IGFN1: variants seen among roughly 807,000 people sequenced by gnomAD.
IGFN1 encodes the protein immunoglobulin-like and fibronectin type III domain-containing protein 1.
A neutral mutation model predicts 289.5 loss-of-function variants in IGFN1; 253 were observed. The ratio of observed to expected loss-of-function variants is 0.87; its 90% confidence interval spans 0.79 to 0.97. The LOEUF (loss-of-function observed/expected upper bound fraction) is 0.97, where lower values mean the gene tolerates loss of function less well. Ranked by LOEUF, IGFN1 falls within the 50% of genes least tolerant of loss-of-function variation. The pLI is 0.00. For missense variants in IGFN1, 4,470 were observed against 4,686.1 expected (o/e 0.95, Z 1.35); for synonymous variants, 1,706 against 1,788.5 (o/e 0.95, Z 1.16).
chr1:201,191,050 G>C (rs1048117105), intron 1 of IGFN1, 143 bp downstream of exon 1: 1 of 152,436 alleles, frequency 6.6e-6, no homozygotes, highest in South Asian at 2.1e-4. Context: ...CCTGGCTGGC[G>C]GATCACACGC....
chr1:201,224,947 C>A, intron 21 of IGFN1, 73 bp downstream of exon 21: 5 of 1,148,996 alleles, frequency 4.4e-6, no homozygotes, highest in South Asian at 1.5e-5. Context: ...GTCCACTGGT[C>A]TGATCATAGG....
chr1:201,226,743 A>G, intron 22 of IGFN1, 139 bp from the exon 23 acceptor site: 1 of 709,040 alleles, frequency 1.4e-6, no homozygotes, highest in Non-Finnish European at 2.4e-6. Flanking sequence ...CTTGGGGTCC[A>G]AATTTGCAGG....
In IGFN1 at chr1:201,221,732, C is replaced by T. The variant is rs1302633688; in HGVS notation, c.10187C>T (p.Ala3396Val). 4 of 1,591,076 alleles carry T rather than the reference C, an allele frequency of 2.5e-6. No homozygotes were observed. In the African/African-American group the frequency reaches 5.4e-5, roughly 21 times the overall value. Reference protein sequence around the residue: ...QPSALDTLVQAMPVTVCPKFL... With the variant: ...QPSALDTLVQVMPVTVCPKFL... The stretch of plus-strand genomic sequence containing the variant: ...AGTGCCCTGGACACATTAGTGCAAG[C>T]CATGCCTGTTACTGGTGAGTGCTGC... The change falls in exon 19 of 24, where the codon GCC (alanine) becomes GTC (valine). Residue 3396 changes from alanine (A) to valine (V), a missense_variant. This residue lies in a region of IGFN1 where 2,218 missense variants were observed against 2,114.1 expected (regional missense o/e 1.05). Transcript: ENST00000335211.
In IGFN1 at chr1:201,213,549, A is replaced by T. The variant is rs770190379; in HGVS notation, c.8656A>T (p.Arg2886Trp). ...KDGRLDIYGE[R>W]RDATRSSTSR... ...CGGCAGGTTGGACATCTATGGAGAG[A>T]GGAGAGATGCTACCCGGAGTTCCAC... is the stretch of plus-strand genomic sequence containing the variant. The change falls in exon 12 of 24, where the codon AGG (arginine) becomes TGG (tryptophan). Residue 2886 changes from arginine to tryptophan, a missense_variant. Transcript: ENST00000335211. 6.2e-7 allele frequency: 1 copy of T among 1,613,808 alleles called. No homozygotes were observed. Among genetic ancestry groups the T allele is most frequent in the East Asian group, 2.2e-5 (1 of 44,882 alleles).
In IGFN1 at chr1:201,211,381, G is replaced by C. The variant is rs1238734974; in HGVS notation, c.6488G>C (p.Gly2163Ala). 4.7e-6 allele frequency: 7 copies of C among 1,490,854 alleles called. No homozygotes were observed. In the Admixed American group the frequency reaches 6.2e-5, roughly 13 times the overall value. 92.4% of individuals were successfully genotyped at this position (1,490,854 alleles called of 1,614,324 possible). ...GAGAGTAAGGCAGGTTTTAGGGATG[G>C]TTTAGGGAGTTCTGGGGAAATGGGG... ...GSESKAGFRDGLGSSGEMGSM... is the reference protein window; with the variant it reads ...GSESKAGFRDALGSSGEMGSM... The change falls in exon 12 of 24, where the codon GGT becomes GCT. Residue 2163 changes from glycine (G) to alanine (A), a missense_variant. Gly to Ala is a moderately conservative substitution (Grantham distance 60). Transcript: ENST00000335211.
Position 201,207,657 on chromosome 1 carries a change from G to C in IGFN1, c.2764G>C (p.Asp922His). Reference sequence around the variant, plus strand: ...TCCTGGGTCAATAGGGTCTGAACCAGATTTCTGGAATGGGTCAGGGAGCTC... The same window carrying C: ...TCCTGGGTCAATAGGGTCTGAACCACATTTCTGGAATGGGTCAGGGAGCTC... ...RGPGSIGSEP[D>H]FWNGSGSSRV... is the part of the protein sequence containing the mutation. Residue 922 changes from aspartate (D) to histidine (H), a missense_variant, in exon 12 of 24, where the codon GAT (aspartate) becomes CAT (histidine). By Grantham distance (81) the Asp-to-His change is moderately conservative. Around this residue, in one of 8 missense-constraint regions of IGFN1, gnomAD observed 2,011 missense variants for 1,953.4 expected, o/e 1.03. Coordinates refer to ENST00000335211, the MANE Select transcript of IGFN1 (RefSeq NM_001164586.2). 6.5e-7 allele frequency: 1 copy of C among 1,537,140 alleles called. No homozygotes were observed. The highest frequency in any genetic ancestry group is 1.2e-5 in the South Asian group (1 of 84,050).
At chr1:201,224,353 C>A (rs1653941481) in intron 20 of IGFN1, among the ~76,000 whole-genome samples, 2 of 152,196 alleles carry the variant, frequency 1.3e-5, no homozygotes, top group Admixed American at 6.5e-5. Flanking sequence ...CAGAATCTGA[C>A]AACAGCGGCT....
In IGFN1 at chr1:201,225,826, T is replaced by C. The variant is rs1347077656; in HGVS notation, c.10489T>C (p.Cys3497Arg). ...AHSFRIRVAA[C>R]PQAPGPIHLQ... is the part of the protein sequence containing the mutation. ...TCCCTCTGCCGTCTCTCCTGAAGCA[T>C]GCCCGCAGGCCCCTGGGCCCATCCA... is the stretch of plus-strand genomic sequence containing the variant. Residue 3497 changes from cysteine (C) to arginine (R), a missense_variant and splice_region_variant, in exon 22 of 24, where the codon TGC becomes CGC. Physicochemically the swap from Cys to Arg is radical, Grantham distance 180. Transcript: ENST00000335211. 2 of 1,610,204 alleles carry C rather than the reference T, an allele frequency of 1.2e-6. No homozygotes were observed. Among genetic ancestry groups the C allele is most frequent in the Non-Finnish European group, 1.7e-6 (2 of 1,178,898 alleles).
chr1:201,198,636 A>G (rs1667013586), intron 5 of IGFN1, among the ~76,000 whole-genome samples: 1 of 151,890 alleles, frequency 6.6e-6, no homozygotes, highest in Non-Finnish European at 1.5e-5. Flanking sequence ...TGTGTTGCCC[A>G]GGCTGGTCTG....
At position 201,207,320 on chromosome 1, in the gene IGFN1, C is replaced by A. The variant is rs531788243; in HGVS notation, c.2427C>A (p.Asp809Glu). Residue 809 changes from aspartate to glutamate, a missense_variant, in exon 12 of 24, where the codon GAC (aspartate) becomes GAA (glutamate). Physicochemically the swap from Asp to Glu is conservative, Grantham distance 45 (BLOSUM62 2). Transcript: ENST00000335211. ...GGGCCTCGGGTGAGGTAGAGTATGA[C>A]CCCAGAAGCTTCCAGTCTTCCCAGG... is the stretch of plus-strand genomic sequence containing the variant. ...TAWASGEVEY[D>E]PRSFQSSQGW... 5 of 1,536,812 alleles carry A rather than the reference C, an allele frequency of 3.3e-6. No homozygotes were observed. The South Asian group carries it at 4.8e-5, about 15-fold the overall frequency.
chr1:201,213,121 G>T lies in IGFN1; in HGVS notation c.8228G>T (p.Gly2743Val), dbSNP rs1667912412. 1 of 1,551,506 alleles carries T rather than the reference G, an allele frequency of 6.4e-7. No individual in the cohort carries two copies. The highest frequency in any genetic ancestry group is 1.4e-5 in the African/African-American group (1 of 73,028). ...GPQGAWNGLD[G>V]PFGRKASRDR... Reference sequence around the variant, plus strand: ...CAGGGAGCCTGGAATGGCTTAGATGGTCCCTTTGGCAGAAAAGCCTCTAGA... The same window carrying T: ...CAGGGAGCCTGGAATGGCTTAGATGTTCCCTTTGGCAGAAAAGCCTCTAGA... The change falls in exon 12 of 24, where the codon GGT becomes GTT. Residue 2743 changes from glycine (G) to valine (V), a missense_variant. Gly to Val is a moderately radical substitution (Grantham distance 109). Around this residue, in one of 8 missense-constraint regions of IGFN1, gnomAD observed 2,218 missense variants for 2,114.1 expected, o/e 1.05. Coordinates refer to ENST00000335211, the MANE Select transcript of IGFN1 (RefSeq NM_001164586.2).
chr1:201,199,217 A>C (rs2102322369), intron 5 of IGFN1, 117 bp from the exon 6 acceptor site: 1 of 854,064 alleles, frequency 1.2e-6, no homozygotes, highest in African/African-American at 1.7e-5. Context: ...CTTAGAGGAC[A>C]GTGGGGAGAG....
At chr1:201,217,658 T>A (rs1653413584) in intron 17 of IGFN1, among the ~76,000 whole-genome samples, 198 bp downstream of exon 17, 1 of 152,160 alleles carries the variant, frequency 6.6e-6, no homozygotes, top group South Asian at 2.1e-4. Context: ...TCGGGGATGC[T>A]GCAAAACCTC....
rs143499912 is a variant in IGFN1 at position 201,198,175 on chromosome 1, G to A, written c.367+858G>A. On this transcript the variant is annotated intron_variant, in intron 5 of 23. Transcript: ENST00000335211. Reference sequence around the variant, plus strand: ...AGATGGACTGGAGTCTTGCTCCATCGCGTAGGCTGGAGTACAGTGGCACAA... The same window carrying A: ...AGATGGACTGGAGTCTTGCTCCATCACGTAGGCTGGAGTACAGTGGCACAA... 1.1e-3 allele frequency among the ~76,000 whole-genome samples: 165 copies of A among 152,262 alleles called. 1 individual carries two copies. Among genetic ancestry groups the A allele is most frequent in the African/African-American group, 3.5e-3 (145 of 41,552 alleles).
rs766611997 is a variant in IGFN1 at position 201,200,301 on chromosome 1, G to A, written c.523G>A (p.Asp175Asn). The A allele has an allele frequency of 6.4e-7, 1 of 1,551,722 alleles. No homozygotes were observed. Among genetic ancestry groups the A allele is most frequent in the Non-Finnish European group, 8.7e-7 (1 of 1,146,984 alleles). ...GATATGGCAGCTGCTGATGACAGCA[G>A]ACAGGAAGGACTACGAGAAGATCTG... ...EQIWQLLMTADRKDYEKICLK... is the reference protein window; with the variant it reads ...EQIWQLLMTANRKDYEKICLK... Residue 175 changes from aspartate (D) to asparagine (N), a missense_variant, in exon 8 of 24, where the codon GAC becomes AAC. Transcript: ENST00000335211.
chr1:201,208,444 A>G lies in IGFN1; in HGVS notation c.3551A>G (p.Asp1184Gly). 6.9e-7 allele frequency: 1 copy of G among 1,446,256 alleles called. No individual in the cohort carries two copies. The highest frequency in any genetic ancestry group is 9.0e-7 in the Non-Finnish European group (1 of 1,106,774). 89.6% of individuals were successfully genotyped at this position (1,446,256 alleles called of 1,614,324 possible). The change falls in exon 12 of 24, where the codon GAT (aspartate) becomes GGT (glycine). Residue 1184 changes from aspartate (D) to glycine (G), a missense_variant. By Grantham distance (94) the Asp-to-Gly change is moderately conservative. Transcript: ENST00000335211. ...TCTGGAGCTGGAGCTGGTTATAGGG[A>G]TGATACCAGGCACCCTGAGTCACTC... ...KASGAGAGYR[D>G]DTRHPESLAP...
At position 201,216,166 on chromosome 1, in the gene IGFN1, C is replaced by G. The variant is rs1653249426; in HGVS notation, c.9296-288C>G. ...CAAGGTAGGACTGCTCTTGGCCGAG[C>G]AGGTGCCCATACCAGCCACCGGACG... On this transcript the variant is annotated intron_variant, in intron 15 of 23. Transcript: ENST00000335211. The G allele has an allele frequency of 4.9e-6, 3 of 607,780 alleles. No homozygotes were observed. The East Asian group carries it at 8.5e-5, about 17-fold the overall frequency. The allele number at this position is 607,780 out of a possible 1,614,324, so 37.6% of individuals were successfully genotyped here. A position where few individuals can be genotyped will look rare whatever the true frequency, so the allele number is the denominator to read the frequency against.
chr1:201,207,814 G>T lies in IGFN1; in HGVS notation c.2921G>T (p.Ser974Ile), dbSNP rs139541005. 5.7e-4 allele frequency: 868 copies of T among 1,536,182 alleles called. 4 individuals carry two copies. The Admixed American group carries it at 0.016, about 28-fold the overall frequency. Reference protein sequence around the residue: ...EISSKSGAGYSYGSGVPGEMG... With the variant: ...EISSKSGAGYIYGSGVPGEMG... ...AGCTCTAAAAGCGGGGCTGGTTATA[G>T]CTATGGCTCAGGGGTTCCAGGAGAA... Residue 974 changes from serine to isoleucine, a missense_variant, in exon 12 of 24, where the codon AGC becomes ATC. Around this residue, in one of 8 missense-constraint regions of IGFN1, gnomAD observed 2,011 missense variants for 1,953.4 expected, o/e 1.03. Transcript: ENST00000335211.
Position 201,207,483 on chromosome 1 carries a change from G to A in IGFN1, c.2590G>A (p.Gly864Arg), listed in dbSNP as rs1456087198. 3.3e-6 allele frequency: 5 copies of A among 1,532,850 alleles called. No homozygotes were observed. The highest frequency in any genetic ancestry group is 2.0e-5 in the Admixed American group (1 of 50,512). The allele number at this position is 1,532,850 out of a possible 1,614,324, so 95.0% of individuals were successfully genotyped here. Residue 864 changes from glycine (G) to arginine (R), a missense_variant, in exon 12 of 24, where the codon GGA becomes AGA. By Grantham distance (125) the Gly-to-Arg change is moderately radical. Around this residue, in one of 8 missense-constraint regions of IGFN1, gnomAD observed 2,011 missense variants for 1,953.4 expected, o/e 1.03. Transcript: ENST00000335211. Reference sequence around the variant, plus strand: ...GCCTGGAGTGCTGGGGCCCAGTGGAGGACAAGAGGGTATGGGTGGTATCTG... The same window carrying A: ...GCCTGGAGTGCTGGGGCCCAGTGGAAGACAAGAGGGTATGGGTGGTATCTG... ...HGPGVLGPSG[G>R]QEGMGGIWVA...
Sources: allele counts gnomAD v4.1 joint callset (sites outside exome capture counted in the v4.1 genomes callset), GRCh38; gene constraint gnomAD v4.1.1; regional missense constraint gnomAD v4.1.1; transcripts MANE v1.5; gene names NCBI Gene and HGNC (gene_info 2026-07-23, HGNC 2026-07-21).